Variants in ATOX1 observed in about 807,000 individuals in gnomAD.
ATOX1 encodes the protein copper transport protein ATOX1.
Under a neutral mutation model 7.3 loss-of-function variants are expected in ATOX1, and 4 were observed. The ratio of observed to expected loss-of-function variants is 0.55; its 90% CI spans 0.27 to 1.25. The LOEUF is 1.25. Among genes scored for constraint, ATOX1 ranks in the 50% most tolerant of loss-of-function variants. The pLI, the probability that ATOX1 is intolerant of heterozygous loss-of-function variation, is 0.12. For missense variants in ATOX1, 68 were observed against 81.6 expected (o/e 0.83, Z 0.64); for synonymous variants, 25 against 28.7 (o/e 0.87, Z 0.41).
Position 151,751,744 on chromosome 5 carries a change from G to A in ATOX1, c.42C>T (p.Gly14=). 6.2e-7 allele frequency: 1 copy of A among 1,609,752 alleles called. No homozygotes were observed. The highest frequency in any genetic ancestry group is 8.5e-7 in the Non-Finnish European group (1 of 1,178,202). ...GGACCCGAGAGACAGCTTCAGCACA[G>A]CCTCCACAGGTCATGTCCACAGAGA... is the stretch of plus-strand genomic sequence containing the variant. ...HEFSVDMTCG[G]CAEAVSRVLN... The change falls in exon 2 of 4, where the codon GGC becomes GGT. Residue 14 remains glycine, a synonymous_variant. Transcript: ENST00000313115.
At chr5:151,752,481 G>A in intron 1 of ATOX1, 1 of 644,740 alleles carries the variant, frequency 1.6e-6, no homozygotes, top group East Asian at 2.7e-5. Context: ...TCAAGGGTCT[G>A]AAGGTAAGCT....
chr5:151,758,255 C>A (rs1243418438), intron 1 of ATOX1, among the ~76,000 whole-genome samples: 1 of 152,248 alleles, frequency 6.6e-6, no homozygotes, highest in Non-Finnish European at 1.5e-5. Context: ...CCATCCCCTG[C>A]CCCCTCTCTG....
chr5:151,757,449 G>A (rs528504162), intron 1 of ATOX1, among the ~76,000 whole-genome samples: 8 of 152,318 alleles, frequency 5.3e-5, no homozygotes, highest in Non-Finnish European at 1.2e-4. Context: ...TGGAGGATTT[G>A]TCTCAAGGCA....
chr5:151,744,027 T>C (rs920811205), intron 3 of ATOX1: 1 of 152,240 alleles, frequency 6.6e-6, no homozygotes, highest in African/African-American at 2.4e-5. Flanking sequence ...GAAAACATTA[T>C]GCTACATGGA....
At chr5:151,752,531 C>T in intron 1 of ATOX1, 3 of 600,216 alleles carry the variant, frequency 5.0e-6, no homozygotes, top group Non-Finnish European at 8.9e-6. Context: ...CTACTGGATT[C>T]CTAATACTTG....
intron 2 of ATOX1, 143 bp downstream of exon 2, chr5:151,751,561 T>C: frequency 1.4e-6 from 1 of 737,106 alleles, no homozygotes; most frequent in Non-Finnish European, 2.1e-6. Flanking sequence ...ACTAAGAAAA[T>C]AACAAGAGTA....
chr5:151,746,187 C>T (rs1301663004), intron 3 of ATOX1, 92 bp downstream of exon 3: 14 of 1,215,590 alleles, frequency 1.2e-5, no homozygotes, highest in African/African-American at 1.5e-5. Flanking sequence ...AGGGCTCTCC[C>T]GCTCCACTCA....
intron 1 of ATOX1, among the ~76,000 whole-genome samples, chr5:151,755,858 T>C (rs918448281): frequency 2.0e-5 from 3 of 152,254 alleles, no homozygotes; most frequent in African/African-American, 7.2e-5. Context: ...TGGGGTCTTT[T>C]ATAAAGACTT....
intron 2 of ATOX1, among the ~76,000 whole-genome samples, chr5:151,749,375 C>T (rs1761915626): frequency 6.6e-6 from 1 of 152,032 alleles, no homozygotes; most frequent in Non-Finnish European, 1.5e-5. Context: ...ATCCCAGATA[C>T]TCAGGAGGCT....
intron 3 of ATOX1, chr5:151,743,762 A>T (rs1761848953): frequency 6.6e-6 from 1 of 152,162 alleles, no homozygotes; most frequent in South Asian, 2.1e-4. Flanking sequence ...TAGCTCCAGA[A>T]GAGTTTTTTT....
chr5:151,758,182 C>A (rs1397203966), intron 1 of ATOX1, among the ~76,000 whole-genome samples: 1 of 152,268 alleles, frequency 6.6e-6, no homozygotes, highest in Non-Finnish European at 1.5e-5. Context: ...GCTCCGCGGG[C>A]AGGGCAGCCA....
Position 151,757,673 on chromosome 5 carries a change from A to G in ATOX1, c.6+873T>C, listed in dbSNP as rs556385357. ...CCCTAACCAAGATGCAACTGAGATC[A>G]GAGCATCTTCCCAAGCCGGTGTGAC... On this transcript the variant is annotated intron_variant, in intron 1 of 3. Transcript: ENST00000313115. 2.0e-5 allele frequency among the ~76,000 whole-genome samples: 3 copies of G among 152,356 alleles called. No homozygotes were observed. In the East Asian group the frequency reaches 5.8e-4, roughly 29 times the overall value.
In ATOX1 at chr5:151,750,450, G is replaced by T. The variant is rs1423687508; in HGVS notation, c.82+1254C>A. On this transcript the variant is annotated intron_variant, in intron 2 of 3. Coordinates refer to ENST00000313115, the MANE Select transcript of ATOX1 (RefSeq NM_004045.4). Reference sequence around the variant, plus strand: ...GAACCCAGGAGGCAGAGGCTGCAATGAGCTGAGATCATGCCACTGCACTCC... The same window carrying T: ...GAACCCAGGAGGCAGAGGCTGCAATTAGCTGAGATCATGCCACTGCACTCC... 4.2e-5 allele frequency among the ~76,000 whole-genome samples: 6 copies of T among 143,962 alleles called. No homozygotes were observed. In the South Asian group the frequency reaches 1.1e-3, roughly 26 times the overall value. The allele number at this position is 143,962 out of a possible 152,430, so 94.4% of individuals were successfully genotyped here.
chr5:151,754,887 G>C (rs1761993891), intron 1 of ATOX1, among the ~76,000 whole-genome samples: 1 of 151,688 alleles, frequency 6.6e-6, no homozygotes, highest in Non-Finnish European at 1.5e-5. Context: ...AAGAGGCTGA[G>C]GCAGGAGAAT....
At chr5:151,746,522 G>A in intron 2 of ATOX1, 73 bp from the exon 3 acceptor site, 2 of 1,588,928 alleles carry the variant, frequency 1.3e-6, no homozygotes. Flanking sequence ...AAGAGTTCAG[G>A]CTCTAAATTA....
intron 2 of ATOX1, among the ~76,000 whole-genome samples, chr5:151,749,661 C>CAA (rs781536166): frequency 2.2e-4 from 12 of 54,462 alleles, no homozygotes; most frequent in Middle Eastern, 0.011. Context: ...ACTCCATCTC[C>CAA]AAAAAAAAAA....
At chr5:151,757,712 C>G (rs1762035261) in intron 1 of ATOX1, among the ~76,000 whole-genome samples, 1 of 152,228 alleles carries the variant, frequency 6.6e-6, no homozygotes, top group African/African-American at 2.4e-5. Context: ...TTTTGCCTGG[C>G]ACCTCCCATG....
At chr5:151,758,435 C>T in intron 1 of ATOX1, 111 bp downstream of exon 1, 2 of 1,354,658 alleles carry the variant, frequency 1.5e-6, no homozygotes, top group Non-Finnish European at 1.9e-6. Flanking sequence ...ACAACAGCGG[C>T]TCCGGCCGCC....
intron 3 of ATOX1, chr5:151,744,103 A>G (rs1761853571): frequency 6.6e-6 from 1 of 152,274 alleles, no homozygotes; most frequent in Non-Finnish European, 1.5e-5. Context: ...CAGGGTAGGC[A>G]AATCCAGAGT....
Sources: gnomAD v4.1 joint callset for allele counts (sites outside exome capture counted in the v4.1 genomes callset) on GRCh38, gnomAD v4.1.1 for gene constraint, MANE v1.5 for transcripts, NCBI Gene and HGNC (gene_info 2026-07-23, HGNC 2026-07-21) for gene names.